PRKD3: variants seen among roughly 807,000 people sequenced by gnomAD.
The protein encoded by PRKD3 is serine/threonine-protein kinase D3.
In PRKD3, 47 loss-of-function variants were observed where a neutral mutation model predicts 99.2. The ratio of observed to expected loss-of-function variants is 0.47; its 90% CI spans 0.38 to 0.60. The LOEUF is 0.60. Among genes scored for constraint, PRKD3 ranks in the 20% least tolerant of loss-of-function variants. PRKD3 has a pLI of 0.00. For synonymous variants in PRKD3, 392 were observed against 355.4 expected (o/e 1.10, Z -1.16); for missense variants, 1,019 against 1,088.4 (o/e 0.94, Z 0.90).
intron 2 of PRKD3, among the ~76,000 whole-genome samples, chr2:37,302,803 C>G (rs2124873136): frequency 6.6e-6 from 1 of 152,180 alleles, no homozygotes; most frequent in East Asian, 1.9e-4. Context: ...CATTCTGCCT[C>G]AAGCCTCCCC....
intron 13 of PRKD3, chr2:37,269,301 G>A (rs754282938): frequency 1.6e-5 from 5 of 316,432 alleles, no homozygotes; most frequent in Non-Finnish European, 3.1e-5. Flanking sequence ...CAATGAATAA[G>A]CCCACTCAGC....
chr2:37,278,829 T>A (rs940345710), intron 8 of PRKD3: 1 of 151,562 alleles, frequency 6.6e-6, no homozygotes, highest in Non-Finnish European at 1.5e-5. Context: ...CCCAGCTACT[T>A]GGGAGGCTGA....
rs1270625624 is a variant in PRKD3, at chr2:37,286,347, C to T, written c.740G>A (p.Ser247Asn). The T allele has an allele frequency of 2.5e-6, 4 of 1,613,994 alleles. No homozygotes were observed. In the Admixed American group the frequency reaches 5.0e-5, roughly 20 times the overall value. Reference sequence around the variant, plus strand: ...ACCACTCCAAGAAGGAATTCTCTTACTTGGTTCCTGGTGGACATGTGACTA... The same window carrying T: ...ACCACTCCAAGAAGGAATTCTCTTATTTGGTTCCTGGTGGACATGTGACTA... ...SEESHVHQEPSKRIPSWSGRP... is the reference protein window; with the variant it reads ...SEESHVHQEPNKRIPSWSGRP... Residue 247 changes from serine to asparagine, a missense_variant, in exon 6 of 19, where the codon AGT (serine) becomes AAT (asparagine). Coordinates refer to ENST00000234179, the MANE Select transcript of PRKD3 (RefSeq NM_005813.6).
chr2:37,272,318 T>G, intron 12 of PRKD3, 62 bp downstream of exon 12: 5 of 1,578,236 alleles, frequency 3.2e-6, no homozygotes, highest in Non-Finnish European at 4.3e-6. Flanking sequence ...ATAAAGATTT[T>G]CACCTTTTAT....
intron 2 of PRKD3, among the ~76,000 whole-genome samples, chr2:37,293,476 C>A (rs1319406681): frequency 2.0e-5 from 3 of 152,164 alleles, no homozygotes; most frequent in African/African-American, 7.2e-5. Flanking sequence ...AGTAAACTTA[C>A]AAATAAATAA....
At chr2:37,267,234 C>CT (rs1668905821) in intron 14 of PRKD3, among the ~76,000 whole-genome samples, 196 bp downstream of exon 14, 1 of 151,558 alleles carries the variant, frequency 6.6e-6, no homozygotes, top group South Asian at 2.1e-4. Flanking sequence ...TGAAATTTTA[C>CT]TTTTTTAAAA....
At chr2:37,317,595 C>A (rs1422327917) in intron 1 of PRKD3, among the ~76,000 whole-genome samples, 1 of 152,164 alleles carries the variant, frequency 6.6e-6, no homozygotes, top group African/African-American at 2.4e-5. Context: ...ACAATACTTT[C>A]CTAATACAAG....
At chr2:37,276,847 T>TATAC (rs1429880131) in intron 9 of PRKD3, among the ~76,000 whole-genome samples, 3 of 150,332 alleles carry the variant, frequency 2.0e-5, no homozygotes, top group African/African-American at 7.4e-5. Flanking sequence ...TATACATATA[T>TATAC]ATAACTTTAT....
At chr2:37,284,971 T>G (rs1471706371) in intron 6 of PRKD3, among the ~76,000 whole-genome samples, 1 of 152,150 alleles carries the variant, frequency 6.6e-6, no homozygotes. Context: ...CTTATATGCT[T>G]AAGCTTATAT....
At chr2:37,259,324 C>T (rs1470832130) in intron 16 of PRKD3, among the ~76,000 whole-genome samples, 1 of 152,196 alleles carries the variant, frequency 6.6e-6, no homozygotes, top group Non-Finnish European at 1.5e-5. Flanking sequence ...TTGCTCACTT[C>T]GTTCCCAGCC....
chr2:37,277,840 A>G (rs2148546631), intron 9 of PRKD3, 26 bp downstream of exon 9: 2 of 1,605,094 alleles, frequency 1.2e-6, no homozygotes, highest in Non-Finnish European at 1.7e-6. Context: ...TCTTACTAGC[A>G]TATTCAAATG....
intron 7 of PRKD3, among the ~76,000 whole-genome samples, chr2:37,280,604 T>C (rs767335592): frequency 1.3e-5 from 2 of 152,074 alleles, no homozygotes; most frequent in East Asian, 1.9e-4. Context: ...AAATCATATA[T>C]AAAAATTAAC....
intron 15 of PRKD3, 45 bp downstream of exon 15, chr2:37,260,177 AT>A (rs1372615412): frequency 2.0e-6 from 3 of 1,514,990 alleles, no homozygotes; most frequent in Non-Finnish European, 2.7e-6. Context: ...AAAAAAAAAA[AT>A]TAGTTTTTAA....
chr2:37,322,018 C>T (rs529668918), intron 1 of PRKD3, among the ~76,000 whole-genome samples: 17 of 151,970 alleles, frequency 1.1e-4, no homozygotes, highest in Non-Finnish European at 2.1e-4. Flanking sequence ...ATGAATTCCT[C>T]CCAGTAAAGA....
At chr2:37,314,570 T>C (rs566449888) in intron 2 of PRKD3, among the ~76,000 whole-genome samples, 2 of 152,254 alleles carry the variant, frequency 1.3e-5, no homozygotes, top group Admixed American at 6.5e-5. Flanking sequence ...ACACCACATA[T>C]ACATATTTCA....
At chr2:37,300,516 G>T (rs938620257) in intron 2 of PRKD3, among the ~76,000 whole-genome samples, 6 of 152,186 alleles carry the variant, frequency 3.9e-5, no homozygotes, top group Non-Finnish European at 4.4e-5. Context: ...AAAATAACTA[G>T]AAGAGTAGAA....
chr2:37,321,047 C>T (rs1027313886), intron 1 of PRKD3, among the ~76,000 whole-genome samples: 1 of 152,128 alleles, frequency 6.6e-6, no homozygotes, highest in African/African-American at 2.4e-5. Context: ...AAATATTAAA[C>T]CTAATAACTG....
At chr2:37,277,325 A>G (rs182974451) in intron 9 of PRKD3, among the ~76,000 whole-genome samples, 1 of 152,316 alleles carries the variant, frequency 6.6e-6, no homozygotes, top group African/African-American at 2.4e-5. Flanking sequence ...AAGTTCATAT[A>G]GTTTTATAGT....
At chr2:37,275,556 C>T (rs576168301) in intron 10 of PRKD3, among the ~76,000 whole-genome samples, 8 of 152,146 alleles carry the variant, frequency 5.3e-5, no homozygotes, top group East Asian at 3.9e-4. Flanking sequence ...AATAAATACA[C>T]GACAACAACA....
Sources: allele counts gnomAD v4.1 joint callset (sites outside exome capture counted in the v4.1 genomes callset), GRCh38; gene constraint gnomAD v4.1.1; transcripts MANE v1.5; gene names NCBI Gene and HGNC (gene_info 2026-07-23, HGNC 2026-07-21).